APC: variants seen among roughly 807,000 people sequenced by gnomAD.
The protein encoded by APC is APC regulator of Wnt signaling pathway.
In APC, 72 loss-of-function variants were observed where a neutral mutation model predicts 247.0. That is an observed-to-expected ratio of 0.29 (90% CI 0.24 to 0.35). The LOEUF (loss-of-function observed/expected upper bound fraction) is 0.35, where lower values mean the gene tolerates loss of function less well. APC is among the 10% of genes least tolerant of loss of function. The pLI, the probability that APC is intolerant of heterozygous loss-of-function variation, is 1.00. For missense variants in APC, 3,400 were observed against 3,360.7 expected, an observed-to-expected ratio of 1.01 and a Z score of -0.29; for synonymous variants, 1,254 against 1,162.5, an observed-to-expected ratio of 1.08 and a Z score of -1.60.
intron 12 of APC, 65 bp downstream of exon 12, chr5:112,827,312 A>G (rs1763806056): frequency 1.3e-6 from 2 of 1,567,488 alleles, no homozygotes; most frequent in Non-Finnish European, 1.8e-6. Flanking sequence ...TTTCATACAA[A>G]TACATTTTAC....
intron 1 of APC, among the ~76,000 whole-genome samples, chr5:112,725,612 A>AG (rs1751731337): frequency 6.6e-6 from 1 of 151,008 alleles, no homozygotes; most frequent in East Asian, 1.9e-4. Context: ...AAAAAAAAAA[A>AG]TAGCTGGGCT....
intron 9 of APC, 122 bp from the exon 10 acceptor site, chr5:112,818,844 T>TGGGG: frequency 1.2e-6 from 1 of 841,870 alleles, no homozygotes; most frequent in Middle Eastern, 3.7e-4. Context: ...GTTTTTTTTT[T>TGGGG]GGCGGGGGGG....
At chr5:112,712,584 G>T (rs538480270) in intron 1 of APC, among the ~76,000 whole-genome samples, 2 of 150,038 alleles carry the variant, frequency 1.3e-5, no homozygotes, top group Non-Finnish European at 3.0e-5. Context: ...TTAAGCGACC[G>T]GGGCTTGCTG....
intron 10 of APC, among the ~76,000 whole-genome samples, chr5:112,820,826 G>A (rs993487908): frequency 3.9e-5 from 6 of 152,100 alleles, no homozygotes; most frequent in African/African-American, 1.2e-4. Flanking sequence ...GTAACTTTTT[G>A]TATTAGAGAT....
rs142151635 is a variant in APC, at chr5:112,774,201, A to G, written c.423-1428A>G. Among the ~76,000 whole-genome samples, 242 of 152,298 alleles carry G rather than the reference A, an allele frequency of 1.6e-3. 1 individual carries two copies. The highest frequency in any genetic ancestry group is 2.6e-3 in the Non-Finnish European group (176 of 68,028). On this transcript the variant is annotated intron_variant, in intron 4 of 15. Coordinates refer to ENST00000257430, the MANE Select transcript of APC (RefSeq NM_000038.6). ...TACATAGATTTATGAATACTAGGGAATTCTTGGAATATTATGTAGCTAACA... is the reference window on the plus strand; with the variant it reads ...TACATAGATTTATGAATACTAGGGAGTTCTTGGAATATTATGTAGCTAACA...
chr5:112,744,653 A>G (rs1753435679), intron 1 of APC, among the ~76,000 whole-genome samples: 1 of 152,222 alleles, frequency 6.6e-6, no homozygotes, highest in Non-Finnish European at 1.5e-5. Flanking sequence ...AGCAGAGGAA[A>G]AAAGGATGTG....
rs1561463688 is a variant in APC, at chr5:112,767,190, G to T, written c.222G>T (p.Glu74Asp). 3 of 1,612,612 alleles carry T rather than the reference G, an allele frequency of 1.9e-6. No homozygotes were observed. Among genetic ancestry groups the T allele is most frequent in the Non-Finnish European group, 2.5e-6 (3 of 1,178,704 alleles). ...GQIDLLERLK[E>D]LNLDSSNFPG... is the part of the protein sequence containing the mutation. Reference sequence around the variant, plus strand: ...AAAACTTGTTTCTATTTTATTTAGAGCTTAACTTAGATAGCAGTAATTTCC... The same window carrying T: ...AAAACTTGTTTCTATTTTATTTAGATCTTAACTTAGATAGCAGTAATTTCC... Residue 74 changes from glutamate to aspartate, a missense_variant and splice_region_variant, in exon 4 of 16, where the codon GAG becomes GAT. Glu to Asp is a conservative substitution (Grantham distance 45). Around this residue, in one of 9 missense-constraint regions of APC, gnomAD observed 372 missense variants for 367.6 expected, o/e 1.01. Coordinates refer to ENST00000257430, the MANE Select transcript of APC (RefSeq NM_000038.6).
chr5:112,763,057 A>G (rs1755842384), intron 2 of APC, among the ~76,000 whole-genome samples: 1 of 152,184 alleles, frequency 6.6e-6, no homozygotes, highest in African/African-American at 2.4e-5. Flanking sequence ...TTCCAAGGTG[A>G]CTACTTTGGG....
In APC at chr5:112,815,554, C is replaced by T. The variant is rs143341972; in HGVS notation, c.894C>T (p.His298=). Residue 298 remains histidine, a synonymous_variant, in exon 9 of 16, where the codon CAC becomes CAT. Coordinates refer to ENST00000257430, the MANE Select transcript of APC (RefSeq NM_000038.6). ...GTGTTTTGAGTTCTAGTAGCACACA[C>T]TCTGCACCTCGAAGGCTGACAAGTC... The part of the protein sequence containing the change: ...TASVLSSSST[H]SAPRRLTSHL... 1.1e-5 allele frequency: 18 copies of T among 1,612,188 alleles called. No individual in the cohort carries two copies. The African/African-American group carries it at 2.1e-4, about 19-fold the overall frequency.
rs1384213186 is a variant in APC, at chr5:112,840,161, A to G, written c.4567A>G (p.Arg1523Gly). Reference protein sequence around the residue: ...EPFIQKDVELRIMPPVQENDN... With the variant: ...EPFIQKDVELGIMPPVQENDN... Reference sequence around the variant, plus strand: ...ATTTATACAGAAAGATGTGGAATTAAGAATAATGCCTCCAGTTCAGGAAAA... The same window carrying G: ...ATTTATACAGAAAGATGTGGAATTAGGAATAATGCCTCCAGTTCAGGAAAA... Residue 1523 changes from arginine (R) to glycine (G), a missense_variant, in exon 16 of 16, where the codon AGA (arginine) becomes GGA (glycine). Transcript: ENST00000257430. This position sits in a 1 kb window ranked among gnomAD's most constrained non-coding sequence, Gnocchi z 4.1. 1 of 1,614,068 alleles carries G rather than the reference A, an allele frequency of 6.2e-7. No individual in the cohort carries two copies. Among genetic ancestry groups the G allele is most frequent in the Non-Finnish European group, 8.5e-7 (1 of 1,180,010 alleles).
chr5:112,737,958 T>A (rs1752515346), intron 1 of APC, 33 bp downstream of exon 1: 1 of 984,360 alleles, frequency 1.0e-6, no homozygotes, highest in Non-Finnish European at 1.2e-6. Flanking sequence ...CCAGGCTTGC[T>A]GCGGGGGGAG....
Position 112,843,512 on chromosome 5 carries a change from T to A in APC, c.7918T>A (p.Ser2640Thr), listed in dbSNP as rs1554088753. 6.2e-7 allele frequency: 1 copy of A among 1,613,858 alleles called. No homozygotes were observed. Among genetic ancestry groups the A allele is most frequent in the Non-Finnish European group, 8.5e-7 (1 of 1,179,786 alleles). The change falls in exon 16 of 16, where the codon TCA becomes ACA. Residue 2640 changes from serine (S) to threonine (T), a missense_variant. By Grantham distance (58) the Ser-to-Thr change is moderately conservative (BLOSUM62 1). Transcript: ENST00000257430. The surrounding 1 kb of genome is among the most constrained non-coding windows in gnomAD (Gnocchi z 4.8). Reference sequence around the variant, plus strand: ...CTCAGGTGCTACAAATGGTGCTGAATCAAAGACTCTAATTTATCAAATGGC... The same window carrying A: ...CTCAGGTGCTACAAATGGTGCTGAAACAAAGACTCTAATTTATCAAATGGC... ...VSSGATNGAE[S>T]KTLIYQMAPA...
intron 1 of APC, among the ~76,000 whole-genome samples, chr5:112,738,874 A>G (rs1290118651): frequency 6.6e-6 from 1 of 152,246 alleles, no homozygotes; most frequent in South Asian, 2.1e-4. Flanking sequence ...AAATTCTTTG[A>G]TTTAACATAA....
At chr5:112,721,289 C>T (rs1257464307) in intron 1 of APC, among the ~76,000 whole-genome samples, 1 of 152,030 alleles carries the variant, frequency 6.6e-6, no homozygotes, top group Non-Finnish European at 1.5e-5. Context: ...TGGCGTGTGC[C>T]TGTAATCCCA....
At chr5:112,831,032 G>C (rs1360233306) in intron 14 of APC, among the ~76,000 whole-genome samples, 1 of 152,138 alleles carries the variant, frequency 6.6e-6, no homozygotes, top group Non-Finnish European at 1.5e-5. Flanking sequence ...GATTTAATGT[G>C]TGTGTGTATT....
In APC at chr5:112,717,156, A is replaced by G. The variant is rs111232811; in HGVS notation, c.165+9274A>G. ...CTCCTGAGTAGCTGGGATTACAGGC[A>G]TGTGCCACTACGCCTGCCTAATTTT... On this transcript the variant is annotated intron_variant, in intron 1 of 13. Coordinates refer to the APC transcript ENST00000507379. Among the ~76,000 whole-genome samples the G allele has an allele frequency of 5.0e-3, 764 of 152,156 alleles. 9 individuals are homozygous for G. The highest frequency in any genetic ancestry group is 0.018 in the African/African-American group (731 of 41,516).
chr5:112,828,476 A>T (rs1763947069), intron 13 of APC, among the ~76,000 whole-genome samples: 1 of 146,536 alleles, frequency 6.8e-6, no homozygotes, highest in African/African-American at 2.5e-5. Context: ...AAAAAAAAAC[A>T]GGATCTCCCT....
rs548899775 is a variant in APC at position 112,727,297 on chromosome 5, A to G, written c.165+19415A>G. Among the ~76,000 whole-genome samples, 260 of 152,276 alleles carry G rather than the reference A, an allele frequency of 1.7e-3. 1 individual carries two copies. The highest frequency in any genetic ancestry group is 3.4e-3 in the Middle Eastern group (1 of 294). ...TATACTTTTAAAAAATTCAGCATGT[A>G]GCAAGACCAAGGAAAGACTTTCAAA... On this transcript the variant is annotated intron_variant, in intron 1 of 13. Transcript: ENST00000507379.
Position 112,841,634 on chromosome 5 carries a change from GT to G in APC, c.6042del (p.Glu2015LysfsTer29). The G allele has an allele frequency of 6.2e-7, 1 of 1,613,474 alleles. No individual in the cohort carries two copies. Among genetic ancestry groups the G allele is most frequent in the Non-Finnish European group, 8.5e-7 (1 of 1,179,412 alleles). On this transcript the variant is annotated frameshift_variant, in exon 16 of 16. Coordinates refer to ENST00000257430, the MANE Select transcript of APC (RefSeq NM_000038.6). LOFTEE classifies it high-confidence loss of function. This position sits in a 1 kb window ranked among gnomAD's most constrained non-coding sequence, Gnocchi z 4.6. ...ASGYAPKSFH[V>X]EDTPVCFSRN... ...AGGCTATGCTCCTAAATCATTTCATGTTGAAGATACCCCAGTTTGTTTCTCA... is the reference window on the plus strand; with the variant it reads ...AGGCTATGCTCCTAAATCATTTCATGTGAAGATACCCCAGTTTGTTTCTCA...
Sources: gnomAD v4.1 joint callset for allele counts (sites outside exome capture counted in the v4.1 genomes callset) on GRCh38, gnomAD v4.1.1 for gene constraint, gnomAD v4.1.1 regional missense constraint, Gnocchi (gnomAD v3.1) non-coding constraint, MANE v1.5 for transcripts, NCBI Gene and HGNC (gene_info 2026-07-23, HGNC 2026-07-21) for gene names.